ADAM23: variants seen among roughly 807,000 people sequenced by gnomAD.
ADAM23 encodes disintegrin and metalloproteinase domain-containing protein 23.
ADAM23 carries 33 observed loss-of-function variants against 120.1 expected under a neutral mutation model. The ratio of observed to expected loss-of-function variants is 0.27; its 90% CI spans 0.21 to 0.37. The LOEUF is 0.37. Ranked by LOEUF, ADAM23 falls within the 10% of genes least tolerant of loss-of-function variation. ADAM23 has a pLI of 1.00. For synonymous variants in ADAM23, 367 were observed against 375.2 expected (o/e 0.98, Z 0.25); for missense variants, 862 against 1,058.2 (o/e 0.81, Z 2.57).
intron 2 of ADAM23, among the ~76,000 whole-genome samples, chr2:206,471,355 C>G (rs1250162658): frequency 1.3e-5 from 2 of 152,208 alleles, no homozygotes; most frequent in African/African-American, 4.8e-5. Context: ...AAAGAACCTT[C>G]TATTGCCTTG....
At chr2:206,515,413 CGCTCCATGAGATTT>C (rs528117209) in intron 3 of ADAM23, among the ~76,000 whole-genome samples, 23 of 152,168 alleles carry the variant, frequency 1.5e-4, no homozygotes, top group East Asian at 1.2e-3. Flanking sequence ...TGTGGTGGCA[CGCTCCATGAGATTT>C]GCTCCATGAG....
intron 2 of ADAM23, among the ~76,000 whole-genome samples, chr2:206,456,015 G>C (rs530336056): frequency 6.6e-6 from 1 of 152,044 alleles, no homozygotes; most frequent in East Asian, 1.9e-4. Context: ...CACATTTTCC[G>C]GTTTCTTTAT....
Position 206,570,750 on chromosome 2 carries a change from C to T in ADAM23, c.1505C>T (p.Pro502Leu), listed in dbSNP as rs376379870. Reference sequence around the variant, plus strand: ...CCCTAATCTCTTTAGCTATTTGAGCCCACGGAATGTGGAAATGGATACGTG... The same window carrying T: ...CCCTAATCTCTTTAGCTATTTGAGCTCACGGAATGTGGAAATGGATACGTG... ...LFNRPTKLFE[P>L]TECGNGYVEA... The change falls in exon 16 of 26, where the codon CCC (proline) becomes CTC (leucine). Residue 502 changes from proline to leucine, a missense_variant. This residue lies in a region of ADAM23 where 617 missense variants were observed against 813.5 expected (regional missense o/e 0.76). Transcript: ENST00000264377. 8.9e-5 allele frequency: 143 copies of T among 1,613,660 alleles called. 1 individual carries two copies. The highest frequency in any genetic ancestry group is 1.1e-4 in the Non-Finnish European group (133 of 1,179,790).
chr2:206,556,305 A>G (rs1444073003), intron 9 of ADAM23, among the ~76,000 whole-genome samples: 2 of 152,204 alleles, frequency 1.3e-5, no homozygotes, highest in Non-Finnish European at 2.9e-5. Flanking sequence ...TTTAAAAAAC[A>G]TAGTCACAGA....
At chr2:206,462,405 C>A (rs1426137491) in intron 2 of ADAM23, among the ~76,000 whole-genome samples, 1 of 152,284 alleles carries the variant, frequency 6.6e-6, no homozygotes, top group African/African-American at 2.4e-5. Flanking sequence ...ATTTTTAGAT[C>A]CTTCAACCTA....
chr2:206,449,729 C>A (rs1415690802), intron 2 of ADAM23, among the ~76,000 whole-genome samples: 1 of 152,194 alleles, frequency 6.6e-6, no homozygotes, highest in African/African-American at 2.4e-5. Context: ...TCACTGCAGT[C>A]CACCCTGGGC....
intron 24 of ADAM23, among the ~76,000 whole-genome samples, chr2:206,598,980 G>A (rs112358416): frequency 2.0e-5 from 3 of 151,670 alleles, no homozygotes; most frequent in South Asian, 2.1e-4. Flanking sequence ...CCAGGCAGGC[G>A]GATCACCTGG....
intron 3 of ADAM23, among the ~76,000 whole-genome samples, chr2:206,503,716 C>T (rs1038646151): frequency 1.3e-5 from 2 of 152,116 alleles, no homozygotes; most frequent in African/African-American, 4.8e-5. Context: ...CAGTAATAAT[C>T]AGTTTCTTCT....
chr2:206,461,341 G>A (rs925428420), intron 2 of ADAM23, among the ~76,000 whole-genome samples: 5 of 152,000 alleles, frequency 3.3e-5, no homozygotes, highest in African/African-American at 9.7e-5. Context: ...GATTACAGGC[G>A]TGACCCATCG....
At chr2:206,535,662 G>C (rs1697157808) in intron 4 of ADAM23, among the ~76,000 whole-genome samples, 1 of 152,182 alleles carries the variant, frequency 6.6e-6, no homozygotes, top group South Asian at 2.1e-4. Flanking sequence ...TACACCAAAA[G>C]ATAAATCTTG....
chr2:206,537,496 C>T (rs1295108570), intron 4 of ADAM23, among the ~76,000 whole-genome samples: 1 of 152,104 alleles, frequency 6.6e-6, no homozygotes, highest in African/African-American at 2.4e-5. Context: ...AGGGTATTTT[C>T]AGACACACGG....
At chr2:206,520,669 A>C (rs890544846) in intron 3 of ADAM23, among the ~76,000 whole-genome samples, 1 of 152,082 alleles carries the variant, frequency 6.6e-6, no homozygotes, top group Non-Finnish European at 1.5e-5. Flanking sequence ...TGCTGCTAAC[A>C]TTAATTACTT....
rs540410929 is a variant in ADAM23 at position 206,569,337 on chromosome 2, A to G, written c.1495-1403A>G. Among the ~76,000 whole-genome samples the G allele has an allele frequency of 3.3e-5, 5 of 151,442 alleles. No homozygotes were observed. The South Asian group carries it at 6.2e-4, about 19-fold the overall frequency. ...TAAATCATCTATTTTTTAAAAAGTTAGTAAATATGGAATTATGTCTTTTTA... is the reference window on the plus strand; with the variant it reads ...TAAATCATCTATTTTTTAAAAAGTTGGTAAATATGGAATTATGTCTTTTTA... On this transcript the variant is annotated intron_variant, in intron 15 of 25. Coordinates refer to ENST00000264377, the MANE Select transcript of ADAM23 (RefSeq NM_003812.4).
chr2:206,582,276 G>A (rs1225753535), intron 18 of ADAM23, among the ~76,000 whole-genome samples: 15 of 152,164 alleles, frequency 9.9e-5, no homozygotes. Context: ...GTTGGACAAG[G>A]CCTTTTACCA....
At chr2:206,557,405 C>A in intron 9 of ADAM23, 22 bp from the exon 10 acceptor site, 1 of 1,588,172 alleles carries the variant, frequency 6.3e-7, no homozygotes, top group South Asian at 1.1e-5. Context: ...TTGGCAGTGA[C>A]TGGTATGTAT....
chr2:206,588,855 A>C (rs764965413), intron 20 of ADAM23, among the ~76,000 whole-genome samples: 8 of 152,244 alleles, frequency 5.3e-5, no homozygotes, highest in Non-Finnish European at 1.0e-4. Context: ...AGTTTGGCAA[A>C]TATCATTTAT....
chr2:206,513,928 T>A (rs1451568164), intron 3 of ADAM23, among the ~76,000 whole-genome samples: 1 of 152,206 alleles, frequency 6.6e-6, no homozygotes, highest in Non-Finnish European at 1.5e-5. Context: ...CACATCTGTT[T>A]ACAATATGGT....
At chr2:206,591,070 G>T (rs1276600246) in intron 21 of ADAM23, among the ~76,000 whole-genome samples, 1 of 152,146 alleles carries the variant, frequency 6.6e-6, no homozygotes, top group East Asian at 1.9e-4. Flanking sequence ...GATGGCTTAT[G>T]CCTGTAATCC....
intron 3 of ADAM23, among the ~76,000 whole-genome samples, chr2:206,509,694 C>T (rs938955758): frequency 3.6e-4 from 55 of 152,320 alleles, no homozygotes; most frequent in East Asian, 7.7e-4. Flanking sequence ...GGTGATCCGC[C>T]GGCCTTGGCC....
Sources: allele counts gnomAD v4.1 joint callset (sites outside exome capture counted in the v4.1 genomes callset), GRCh38; gene constraint gnomAD v4.1.1; regional missense constraint gnomAD v4.1.1; transcripts MANE v1.5; gene names NCBI Gene and HGNC (gene_info 2026-07-23, HGNC 2026-07-21).